DAW1: variants seen among roughly 807,000 people sequenced by gnomAD.
DAW1 encodes the protein dynein assembly factor with WD repeat domains 1.
DAW1 carries 47 observed loss-of-function variants against 56.5 expected under a neutral mutation model. The ratio of observed to expected loss-of-function variants is 0.83; its 90% CI spans 0.66 to 1.06. The LOEUF (loss-of-function observed/expected upper bound fraction) is 1.06. Among genes scored for constraint, DAW1 ranks in the 50% least tolerant of loss-of-function variants. The probability of loss-of-function intolerance (pLI) is 0.00; values close to 1 mark genes in which losing one functional copy is unlikely to be tolerated. For synonymous variants in DAW1, 190 were observed against 179.0 expected, an observed-to-expected ratio of 1.06 and a Z score of -0.49; for missense variants, 505 against 499.3, an observed-to-expected ratio of 1.01 and a Z score of -0.11.
intron 1 of DAW1, among the ~76,000 whole-genome samples, chr2:227,874,983 CAAACAGAA>C (rs1243747059): frequency 3.6e-4 from 47 of 129,972 alleles, no homozygotes; most frequent in Middle Eastern, 3.8e-3. Flanking sequence ...AACAAACAAA[CAAACAGAA>C]AAACAAAAAA....
intron 8 of DAW1, 42 bp from the exon 9 acceptor site, chr2:227,906,194 G>T: frequency 6.6e-7 from 1 of 1,515,038 alleles, no homozygotes; most frequent in African/African-American, 1.4e-5. Context: ...ATATACTGAA[G>T]TAAGATATCT....
intron 10 of DAW1, among the ~76,000 whole-genome samples, chr2:227,910,525 C>CA (rs1553603514): frequency 1.3e-5 from 2 of 149,618 alleles, no homozygotes; most frequent in African/African-American, 2.5e-5. Context: ...CACACACACA[C>CA]CCCTCATATT....
chr2:227,893,456 A>G (rs1691323829), intron 4 of DAW1, among the ~76,000 whole-genome samples: 2 of 152,232 alleles, frequency 1.3e-5, no homozygotes, highest in South Asian at 4.2e-4. Flanking sequence ...ACTTAAGGTC[A>G]GTAGTTCAAG....
intron 6 of DAW1, among the ~76,000 whole-genome samples, chr2:227,899,376 C>T (rs1559308276): frequency 6.6e-6 from 1 of 151,892 alleles, no homozygotes. Flanking sequence ...TGGATAATAC[C>T]AAAAGAGAAT....
At chr2:227,911,810 T>C (rs1217386457) in intron 10 of DAW1, among the ~76,000 whole-genome samples, 1 of 152,198 alleles carries the variant, frequency 6.6e-6, no homozygotes, top group Non-Finnish European at 1.5e-5. Context: ...GTATAACGTA[T>C]GTGTTATATC....
chr2:227,918,712 G>A (rs1311727318), intron 10 of DAW1, 68 bp from the exon 11 acceptor site: 2 of 1,538,162 alleles, frequency 1.3e-6, no homozygotes, highest in South Asian at 1.1e-5. Context: ...TTTATACAAT[G>A]CAAAGTCTTT....
At chr2:227,879,134 C>T (rs1690952197) in intron 1 of DAW1, among the ~76,000 whole-genome samples, 1 of 152,134 alleles carries the variant, frequency 6.6e-6, no homozygotes, top group Non-Finnish European at 1.5e-5. Context: ...ATGAAAAATA[C>T]ATCAAGGAAT....
At chr2:227,879,777 A>C (rs1216379371) in intron 1 of DAW1, among the ~76,000 whole-genome samples, 1 of 152,116 alleles carries the variant, frequency 6.6e-6, no homozygotes, top group Non-Finnish European at 1.5e-5. Context: ...TTATTGAACA[A>C]TACATTCTTT....
At chr2:227,910,969 G>A (rs1419505390) in intron 10 of DAW1, among the ~76,000 whole-genome samples, 1 of 151,894 alleles carries the variant, frequency 6.6e-6, no homozygotes, top group African/African-American at 2.4e-5. Context: ...CTGATGTCTT[G>A]TATGAAACTA....
chr2:227,903,013 A>C lies in DAW1; in HGVS notation c.552A>C (p.Ser184=). ...TTTATGTAATTTAGGTGTGTTTATC[A>C]TTTAACCCTCAAAGCACATTGGTGG... ...RGHTAEIVCL[S]FNPQSTLVAT... Residue 184 remains serine (S), a synonymous_variant, in exon 7 of 13, where the codon TCA becomes TCC. Coordinates refer to ENST00000309931, the MANE Select transcript of DAW1 (RefSeq NM_178821.3). 6.2e-7 allele frequency: 1 copy of C among 1,614,134 alleles called. No individual in the cohort carries two copies. Among genetic ancestry groups the C allele is most frequent in the Non-Finnish European group, 8.5e-7 (1 of 1,180,010 alleles).
intron 10 of DAW1, among the ~76,000 whole-genome samples, chr2:227,907,983 A>G (rs1319037637): frequency 6.6e-6 from 1 of 152,212 alleles, no homozygotes; most frequent in African/African-American, 2.4e-5. Context: ...ATAAGCATAC[A>G]TGATGCTATG....
chr2:227,889,790 A>G (rs1351401239), intron 2 of DAW1, 66 bp from the exon 3 acceptor site: 4 of 1,328,068 alleles, frequency 3.0e-6, no homozygotes, highest in Non-Finnish European at 3.0e-6. Context: ...TCAATTCTTC[A>G]TGTAATATAG....
At chr2:227,912,455 G>T in intron 10 of DAW1, 1 of 1,304,450 alleles carries the variant, frequency 7.7e-7, no homozygotes, top group Non-Finnish European at 1.0e-6. Context: ...TGTGTCATCT[G>T]CTGTCAACAA....
At chr2:227,888,736 G>A (rs1524025) in intron 2 of DAW1, among the ~76,000 whole-genome samples, 129,980 of 152,222 alleles carry the variant, frequency 0.85, 55,637 homozygotes, top group Middle Eastern at 0.96. Flanking sequence ...CATGATTTGT[G>A]AAATGGCTCT....
chr2:227,908,300 C>A (rs1691734199), intron 10 of DAW1, among the ~76,000 whole-genome samples: 1 of 152,178 alleles, frequency 6.6e-6, no homozygotes, highest in Non-Finnish European at 1.5e-5. Flanking sequence ...TGCATCATAT[C>A]CTTGATAATC....
intron 10 of DAW1, chr2:227,912,235 T>G: frequency 2.2e-6 from 1 of 458,976 alleles, no homozygotes; most frequent in Non-Finnish European, 4.0e-6. Flanking sequence ...TTCTTTCTCT[T>G]TTTCTTTTTT....
chr2:227,881,036 TA>T (rs1690998312), intron 1 of DAW1, among the ~76,000 whole-genome samples: 1 of 151,902 alleles, frequency 6.6e-6, no homozygotes, highest in South Asian at 2.1e-4. Flanking sequence ...CAAAGGAGAA[TA>T]AAAAATAACA....
intron 6 of DAW1, among the ~76,000 whole-genome samples, chr2:227,900,856 A>G (rs537331806): frequency 7.6e-4 from 116 of 152,298 alleles, no homozygotes; most frequent in South Asian, 1.7e-3. Context: ...AAAAGTGTCC[A>G]TGCCTTGGCA....
intron 5 of DAW1, among the ~76,000 whole-genome samples, chr2:227,897,803 A>G (rs1691446760): frequency 6.6e-6 from 1 of 151,970 alleles, no homozygotes; most frequent in East Asian, 1.9e-4. Flanking sequence ...TTTATATTCA[A>G]TGTTATTCTT....
Sources: allele counts gnomAD v4.1 joint callset (sites outside exome capture counted in the v4.1 genomes callset), GRCh38; gene constraint gnomAD v4.1.1; transcripts MANE v1.5; gene names NCBI Gene and HGNC (gene_info 2026-07-23, HGNC 2026-07-21).